The following MYOM2 variants were observed in gnomAD, a reference collection of about 807,000 sequenced individuals.
MYOM2 encodes the protein myomesin 2, also known as myomesin-2.
In MYOM2, 254 loss-of-function variants were observed where a neutral mutation model predicts 187.6. The ratio of observed to expected loss-of-function variants is 1.35; its 90% confidence interval spans 1.22 to 1.50. The LOEUF is 1.50. MYOM2 is among the 40% of genes most tolerant of loss of function. The pLI is 0.00. For synonymous variants in MYOM2, 981 were observed against 753.8 expected (o/e 1.30, Z -4.94); for missense variants, 2,796 against 1,924.0 (o/e 1.45, Z -8.48).
At position 2,069,503 on chromosome 8, in the gene MYOM2, T is replaced by G. The variant is rs1563427740; in HGVS notation, c.793+6T>G. The stretch of plus-strand genomic sequence containing the variant: ...GGTGGGACTCCCGATTGGATGTAAG[T>G]GGGTTTTTGTTTCTTTTCTGTGTGG... On this transcript the variant is annotated splice_donor_region_variant and intron_variant, in intron 8 of 36. Coordinates refer to ENST00000262113, the MANE Select transcript of MYOM2 (RefSeq NM_003970.4). 1 of 1,614,088 alleles carries G rather than the reference T, an allele frequency of 6.2e-7. No individual in the cohort carries two copies. Among genetic ancestry groups the G allele is most frequent in the East Asian group, 2.2e-5 (1 of 44,884 alleles).
Position 2,057,774 on chromosome 8 carries a change from T to G in MYOM2, c.554T>G (p.Val185Gly), listed in dbSNP as rs557537837. Residue 185 changes from valine (V) to glycine (G), a missense_variant, in exon 5 of 37, where the codon GTG becomes GGG. Coordinates refer to ENST00000262113, the MANE Select transcript of MYOM2 (RefSeq NM_003970.4). ...FTVQGFPTPV[V>G]QWYKDGSLIC... ...GTGCAAGGATTTCCCACGCCCGTGG[T>G]GCAGTGGTGAGGGGCTCTGTTCCCA... The G allele has an allele frequency of 1.9e-6, 3 of 1,614,038 alleles. No homozygotes were observed. The highest frequency in any genetic ancestry group is 1.7e-5 in the Admixed American group (1 of 60,014).
At chr8:2,113,223 C>T (rs1219618624) in intron 25 of MYOM2, among the ~76,000 whole-genome samples, 1 of 152,240 alleles carries the variant, frequency 6.6e-6, no homozygotes, top group Non-Finnish European at 1.5e-5. Context: ...TCGACGCCAT[C>T]GTGCCTTGCA....
chr8:2,117,732 C>G (rs555875504), intron 27 of MYOM2, among the ~76,000 whole-genome samples, 153 bp from the exon 28 acceptor site: 301 of 151,798 alleles, frequency 2.0e-3, no homozygotes, highest in African/African-American at 6.8e-3. Flanking sequence ...TGTGTTCTGC[C>G]AAAAATGCAT....
chr8:2,051,053 G>A (rs544502386), intron 2 of MYOM2, among the ~76,000 whole-genome samples, 180 bp downstream of exon 2: 2 of 152,276 alleles, frequency 1.3e-5, no homozygotes, highest in Admixed American at 6.5e-5. Flanking sequence ...TGGAGCTGGC[G>A]TAGTGTTCTG....
chr8:2,095,657 C>T (rs1390900855), intron 17 of MYOM2, among the ~76,000 whole-genome samples: 1 of 152,132 alleles, frequency 6.6e-6, no homozygotes, highest in Non-Finnish European at 1.5e-5. Flanking sequence ...CAGAGGATGG[C>T]CACATTGAGG....
At chr8:2,087,481 T>C (rs1316267517) in intron 14 of MYOM2, among the ~76,000 whole-genome samples, 3 of 152,194 alleles carry the variant, frequency 2.0e-5, no homozygotes, top group Admixed American at 1.3e-4. Flanking sequence ...TGACAAAATA[T>C]AGTTATTTGT....
chr8:2,127,239 T>C (rs911737830), intron 31 of MYOM2, among the ~76,000 whole-genome samples: 2 of 152,052 alleles, frequency 1.3e-5, no homozygotes, highest in Non-Finnish European at 2.9e-5. Context: ...AACTCCTGTC[T>C]CCGAGTAGAG....
chr8:2,073,189 G>A, intron 9 of MYOM2, 150 bp from the exon 10 acceptor site: 2 of 813,938 alleles, frequency 2.5e-6, no homozygotes, highest in Non-Finnish European at 3.8e-6. Flanking sequence ...AAGTGCAGCT[G>A]TTGGGATTTT....
At chr8:2,102,297 C>G (rs1211949763) in intron 20 of MYOM2, 10 of 177,926 alleles carry the variant, frequency 5.6e-5, no homozygotes, top group Admixed American at 5.5e-4. Context: ...AATTCTGATG[C>G]CCCAATGATG....
chr8:2,136,762 A>G (rs1280643877), intron 32 of MYOM2, among the ~76,000 whole-genome samples: 1 of 152,192 alleles, frequency 6.6e-6, no homozygotes, highest in African/African-American at 2.4e-5. Flanking sequence ...CTTGTCACCT[A>G]TATCAAAATA....
chr8:2,049,557 T>G (rs1409838660), intron 1 of MYOM2, among the ~76,000 whole-genome samples: 1 of 152,198 alleles, frequency 6.6e-6, no homozygotes, highest in Non-Finnish European at 1.5e-5. Flanking sequence ...CCAAGTCTCA[T>G]ACCCATGGCC....
In MYOM2 at chr8:2,145,312, C is replaced by T. The variant is rs573413033; in HGVS notation, c.*331C>T. 3.9e-5 allele frequency: 17 copies of T among 432,244 alleles called. No homozygotes were observed. Among genetic ancestry groups the T allele is most frequent in the South Asian group, 1.7e-4 (5 of 29,130 alleles). 26.8% of individuals were successfully genotyped at this position (432,244 alleles called of 1,614,324 possible). A position where few individuals can be genotyped will look rare whatever the true frequency, so the allele number is the denominator to read the frequency against. On this transcript the variant is annotated 3_prime_UTR_variant, in exon 37 of 37. Coordinates refer to ENST00000262113, the MANE Select transcript of MYOM2 (RefSeq NM_003970.4). ...GCACCTGGACGTGTGCAGCATGTGGCGGTCTGTGTGAAGCCACCGTGCTTC... is the reference window on the plus strand; with the variant it reads ...GCACCTGGACGTGTGCAGCATGTGGTGGTCTGTGTGAAGCCACCGTGCTTC...
chr8:2,138,587 T>C (rs184033071), intron 32 of MYOM2, among the ~76,000 whole-genome samples: 1 of 152,270 alleles, frequency 6.6e-6, no homozygotes, highest in Admixed American at 6.5e-5. Flanking sequence ...TAACACAGTT[T>C]TTAAAAGTTT....
At chr8:2,128,403 T>C (rs1053731401) in intron 31 of MYOM2, among the ~76,000 whole-genome samples, 11 of 152,266 alleles carry the variant, frequency 7.2e-5, no homozygotes, top group African/African-American at 2.7e-4. Context: ...GTGCTAATTA[T>C]GTAAATCTAG....
intron 8 of MYOM2, among the ~76,000 whole-genome samples, chr8:2,071,926 G>A (rs952074562): frequency 6.6e-6 from 1 of 152,032 alleles, no homozygotes; most frequent in Admixed American, 6.5e-5. Context: ...CCACTCTCAC[G>A]ATCTCATCCC....
intron 31 of MYOM2, chr8:2,127,812 C>T (rs567488607): frequency 6.3e-6 from 1 of 158,088 alleles, no homozygotes; most frequent in African/African-American, 2.4e-5. Flanking sequence ...CCGGAGAGAG[C>T]TTCACGCACA....
In MYOM2 at chr8:2,052,283, AG is replaced by A. The variant is rs1447144374; in HGVS notation, c.235del (p.Glu79LysfsTer56). The part of the protein sequence containing the change: ...CRVCAKRVST[Q>X]EDEEQENRSR... ...GTCTGTGCGAAGCGAGTGAGCACGC[AG>A]GAAGATGAGGAGCAGGAGAACAGAA... On this transcript the variant is annotated frameshift_variant, in exon 3 of 37. Transcript: ENST00000262113. LOFTEE classifies it high-confidence loss of function. The A allele has an allele frequency of 2.5e-6, 4 of 1,607,058 alleles. No homozygotes were observed. Among genetic ancestry groups the A allele is most frequent in the Non-Finnish European group, 3.4e-6 (4 of 1,177,064 alleles).
intron 6 of MYOM2, among the ~76,000 whole-genome samples, chr8:2,063,311 C>T (rs548400021): frequency 6.6e-6 from 1 of 152,330 alleles, no homozygotes; most frequent in South Asian, 2.1e-4. Context: ...TGAGCTTTTC[C>T]TTCTGTGACA....
At chr8:2,127,815 C>T (rs1287736329) in intron 31 of MYOM2, 1 of 157,640 alleles carries the variant, frequency 6.3e-6, no homozygotes, top group East Asian at 1.9e-4. Flanking sequence ...GAGAGAGCTT[C>T]ACGCACACCA....
Sources: allele counts gnomAD v4.1 joint callset (sites outside exome capture counted in the v4.1 genomes callset), GRCh38; gene constraint gnomAD v4.1.1; transcripts MANE v1.5; gene names NCBI Gene and HGNC (gene_info 2026-07-23, HGNC 2026-07-21).